Variants in SETBP1 observed in about 807,000 individuals in gnomAD.
The protein encoded by SETBP1 is SET binding protein 1, also known as SET-binding protein.
A neutral mutation model predicts 101.0 loss-of-function variants in SETBP1; 9 were observed. That is an observed-to-expected ratio of 0.09 (90% CI 0.05 to 0.16). SETBP1 has a LOEUF of 0.16. Among genes scored for constraint, SETBP1 ranks in the 10% least tolerant of loss-of-function variants. The probability of loss-of-function intolerance (pLI) is 1.00; values close to 1 mark genes in which losing one functional copy is unlikely to be tolerated. For missense variants in SETBP1, 1,858 were observed against 2,033.8 expected (o/e 0.91, Z 1.66); for synonymous variants, 818 against 788.5 (o/e 1.04, Z -0.63).
chr18:44,736,564 G>T, intron 2 of SETBP1, among the ~76,000 whole-genome samples: 1 of 151,976 alleles, frequency 6.6e-6, no homozygotes, highest in Non-Finnish European at 1.5e-5. Context: ...TCTCTTTTTT[G>T]TGCCACATGG....
chr18:44,770,723 G>A (rs533571006), intron 2 of SETBP1, among the ~76,000 whole-genome samples: 1 of 152,270 alleles, frequency 6.6e-6, no homozygotes, highest in South Asian at 2.1e-4. Flanking sequence ...ATGTCTGGGA[G>A]CTCAGTAAAC....
chr18:44,937,895 C>T (rs921063030), intron 3 of SETBP1, among the ~76,000 whole-genome samples: 1 of 152,150 alleles, frequency 6.6e-6, no homozygotes, highest in African/African-American at 2.4e-5. Flanking sequence ...TCCCCCGTCC[C>T]ATAGTTGAAG....
At chr18:44,862,546 G>T (rs2069038009) in intron 2 of SETBP1, among the ~76,000 whole-genome samples, 1 of 152,114 alleles carries the variant, frequency 6.6e-6, no homozygotes, top group African/African-American at 2.4e-5. Context: ...TTGGCCATTT[G>T]AACTAATGCC....
intron 3 of SETBP1, among the ~76,000 whole-genome samples, chr18:44,890,944 A>G (rs948191971): frequency 6.6e-6 from 1 of 152,122 alleles, no homozygotes; most frequent in African/African-American, 2.4e-5. Flanking sequence ...AACATTTGAC[A>G]AGGAAGGGGT....
chr18:45,017,519 C>A (rs1316308080), intron 4 of SETBP1, among the ~76,000 whole-genome samples: 2 of 152,188 alleles, frequency 1.3e-5, no homozygotes, highest in Admixed American at 6.5e-5. Context: ...AAGGAAGGGA[C>A]CTTTGCAGGG....
chr18:44,815,582 A>T (rs1423676829), intron 2 of SETBP1, among the ~76,000 whole-genome samples: 1 of 152,162 alleles, frequency 6.6e-6, no homozygotes. Flanking sequence ...TGCTACTGAT[A>T]CCTTTGCTAT....
At chr18:44,785,446 C>T (rs1182472410) in intron 2 of SETBP1, among the ~76,000 whole-genome samples, 3 of 152,282 alleles carry the variant, frequency 2.0e-5, no homozygotes, top group Admixed American at 6.5e-5. Context: ...CCTAGATTAC[C>T]TCTTAATTGT....
At chr18:44,868,465 C>T (rs1388600585) in intron 2 of SETBP1, among the ~76,000 whole-genome samples, 1 of 151,974 alleles carries the variant, frequency 6.6e-6, no homozygotes, top group African/African-American at 2.4e-5. Context: ...GAGGCCAAGG[C>T]AGGCGTATCA....
chr18:45,036,558 A>G (rs1306817812), intron 4 of SETBP1, among the ~76,000 whole-genome samples: 3 of 152,186 alleles, frequency 2.0e-5, no homozygotes, highest in Non-Finnish European at 2.9e-5. Flanking sequence ...TAGTTTCTTG[A>G]TGGTTGTGCC....
intron 3 of SETBP1, among the ~76,000 whole-genome samples, chr18:44,929,361 G>A (rs1018789825): frequency 1.3e-5 from 2 of 152,192 alleles, no homozygotes; most frequent in African/African-American, 4.8e-5. Flanking sequence ...TTTGAAGTCA[G>A]GTAGTGTGAT....
At chr18:45,020,162 C>T (rs1450224136) in intron 4 of SETBP1, among the ~76,000 whole-genome samples, 1 of 146,830 alleles carries the variant, frequency 6.8e-6, no homozygotes, top group Non-Finnish European at 1.5e-5. Context: ...TAAAAAGTGG[C>T]TTCTCCTCGA....
intron 3 of SETBP1, among the ~76,000 whole-genome samples, chr18:44,895,183 G>A: frequency 9.5e-6 from 1 of 105,548 alleles, no homozygotes; most frequent in Admixed American, 9.4e-5. Flanking sequence ...AGGAGGGGAG[G>A]GGATGGGAGG....
At chr18:44,987,947 C>T (rs529105907) in intron 4 of SETBP1, 1 of 152,214 alleles carries the variant, frequency 6.6e-6, no homozygotes, top group East Asian at 1.9e-4. Flanking sequence ...TCCCTTTTCC[C>T]AGGCATAGTT....
At chr18:45,034,710 G>T (rs1215326581) in intron 4 of SETBP1, among the ~76,000 whole-genome samples, 1 of 152,050 alleles carries the variant, frequency 6.6e-6, no homozygotes, top group Non-Finnish European at 1.5e-5. Context: ...CTCCAAATAG[G>T]CAATCCTCAC....
intron 2 of SETBP1, among the ~76,000 whole-genome samples, chr18:44,756,813 G>A (rs865855982): frequency 3.3e-5 from 5 of 152,214 alleles, no homozygotes; most frequent in Middle Eastern, 3.4e-3. Flanking sequence ...GCTCTCCTGG[G>A]CTGCTCTGTG....
In SETBP1 at chr18:45,062,960, C is replaced by G. The variant is rs1051279433; in HGVS notation, c.4172-119C>G. On this transcript the variant is annotated intron_variant, in intron 5 of 5. Coordinates refer to ENST00000649279, the MANE Select transcript of SETBP1 (RefSeq NM_015559.3). ...TGCATCTTGGGCACGGAGACATACC[C>G]ATAGCATTAATTCTCTATAATCTTT... 3.1e-6 allele frequency: 4 copies of G among 1,309,180 alleles called. No homozygotes were observed. In the East Asian group the frequency reaches 9.7e-5, roughly 32 times the overall value. 81.1% of individuals were successfully genotyped at this position (1,309,180 alleles called of 1,614,324 possible).
At chr18:44,954,083 C>T (rs1397526343) in intron 4 of SETBP1, among the ~76,000 whole-genome samples, 1 of 152,086 alleles carries the variant, frequency 6.6e-6, no homozygotes, top group Non-Finnish European at 1.5e-5. Context: ...GGATTTTGCT[C>T]ACTAATTTAA....
At chr18:44,747,648 A>G (rs1169286133) in intron 2 of SETBP1, among the ~76,000 whole-genome samples, 5 of 152,392 alleles carry the variant, frequency 3.3e-5, no homozygotes, top group African/African-American at 1.2e-4. Context: ...TATGAAAGTC[A>G]GTATTTTACA....
In SETBP1 at chr18:44,926,056, A is replaced by G. The variant is rs575058343; in HGVS notation, c.541-23825A>G. ...CTGAGGCATGATTCTGAATGTAGAT[A>G]TTACATTTTATTTATTTTTATTTGT... On this transcript the variant is annotated intron_variant, in intron 3 of 5. Transcript: ENST00000649279. 3.3e-5 allele frequency among the ~76,000 whole-genome samples: 5 copies of G among 152,260 alleles called. No homozygotes were observed. In the South Asian group the frequency reaches 1.0e-3, roughly 32 times the overall value.
Sources: allele counts gnomAD v4.1 joint callset (sites outside exome capture counted in the v4.1 genomes callset), GRCh38; gene constraint gnomAD v4.1.1; transcripts MANE v1.5; gene names NCBI Gene and HGNC (gene_info 2026-07-23, HGNC 2026-07-21).